The following NXPE2 variants were observed in gnomAD, a reference collection of about 807,000 sequenced individuals.
NXPE2 encodes the protein neurexophilin and PC-esterase domain family member 2.
In NXPE2, 34 loss-of-function variants were observed where a neutral mutation model predicts 34.4. That is an observed-to-expected ratio of 0.99 (90% CI 0.75 to 1.31). The LOEUF is 1.31. Among genes scored for constraint, NXPE2 ranks in the 40% most tolerant of loss-of-function variants. The pLI, the probability that NXPE2 is intolerant of heterozygous loss-of-function variation, is 0.00. For synonymous variants in NXPE2, 235 were observed against 231.3 expected, an observed-to-expected ratio of 1.02 and a Z score of -0.15; for missense variants, 649 against 672.5, an observed-to-expected ratio of 0.97 and a Z score of 0.39.
the NXPE2 span, among the ~76,000 whole-genome samples, chr11:114,519,218 C>G: frequency 1.5e-4 from 21 of 137,768 alleles, no homozygotes; most frequent in Non-Finnish European, 3.1e-4. Context: ...ACAGAAAATG[C>G]TTTCCCCCCG....
Position 114,705,763 on chromosome 11 carries a change from G to A in NXPE2, c.929-18G>A. On this transcript the variant is annotated intron_variant, in intron 4 of 5. Coordinates refer to ENST00000389586, the MANE Select transcript of NXPE2 (RefSeq NM_182495.6). ...TGTGGTAATAAAAATTACTTAATCT[G>A]GAAATTTGTATTGCCAGAGAGCGAG... 4 of 1,368,620 alleles carry A rather than the reference G, an allele frequency of 2.9e-6. No individual in the cohort carries two copies. The highest frequency in any genetic ancestry group is 3.8e-6 in the Non-Finnish European group (4 of 1,042,470). The allele number at this position is 1,368,620 out of a possible 1,614,324, so 84.8% of individuals were successfully genotyped here.
the NXPE2 span, among the ~76,000 whole-genome samples, chr11:114,625,958 C>G: frequency 6.6e-6 from 1 of 152,148 alleles, no homozygotes; most frequent in East Asian, 1.9e-4. Context: ...GAATACTGCA[C>G]TTTTCCGATG....
chr11:114,534,825 G>A, the NXPE2 span, among the ~76,000 whole-genome samples: 1 of 152,170 alleles, frequency 6.6e-6, no homozygotes, highest in African/African-American at 2.4e-5. Flanking sequence ...TGAAAGTGAC[G>A]GGGAGAATGG....
At chr11:114,809,447 A>T in the NXPE2 span, among the ~76,000 whole-genome samples, 1 of 146,826 alleles carries the variant, frequency 6.8e-6, no homozygotes, top group Non-Finnish European at 1.5e-5. Context: ...AGAAAACCCC[A>T]TTGTCTCAGC....
chr11:114,514,466 T>C, the NXPE2 span, among the ~76,000 whole-genome samples: 2 of 152,206 alleles, frequency 1.3e-5, no homozygotes, highest in South Asian at 4.1e-4. Flanking sequence ...CATGTCTCAC[T>C]GCAGCCTCCA....
the NXPE2 span, among the ~76,000 whole-genome samples, chr11:114,647,857 G>A: frequency 6.6e-6 from 1 of 151,820 alleles, no homozygotes; most frequent in Admixed American, 6.6e-5. Context: ...GCCTGCCACT[G>A]TGCATGGCTA....
chr11:114,767,580 G>T, the NXPE2 span, among the ~76,000 whole-genome samples: 1 of 152,082 alleles, frequency 6.6e-6, no homozygotes, highest in East Asian at 1.9e-4. Flanking sequence ...GTGGAGACCA[G>T]ATTTTATTTT....
chr11:114,810,441 A>C, the NXPE2 span, among the ~76,000 whole-genome samples: 19 of 130,296 alleles, frequency 1.5e-4, no homozygotes, highest in African/African-American at 5.0e-4. Context: ...CAACCTACTC[A>C]TCTGACAAAG....
the NXPE2 span, among the ~76,000 whole-genome samples, chr11:114,468,024 A>G: frequency 6.6e-6 from 1 of 151,980 alleles, no homozygotes; most frequent in South Asian, 2.1e-4. Context: ...ATACCCCTTC[A>G]TTTAGAGCAA....
intron 2 of NXPE2, among the ~76,000 whole-genome samples, chr11:114,684,647 T>C (rs1271205083): frequency 6.6e-6 from 1 of 151,868 alleles, no homozygotes; most frequent in East Asian, 1.9e-4. Context: ...AGAAACTTAA[T>C]TGGTAGGGGT....
At chr11:114,568,942 A>G in the NXPE2 span, among the ~76,000 whole-genome samples, 2 of 152,282 alleles carry the variant, frequency 1.3e-5, no homozygotes, top group Middle Eastern at 3.4e-3. Flanking sequence ...CTATATACCT[A>G]AAGACTAGAA....
chr11:114,493,115 A>G, the NXPE2 span, among the ~76,000 whole-genome samples: 2 of 152,166 alleles, frequency 1.3e-5, no homozygotes, highest in Admixed American at 1.3e-4. Context: ...TGATATAAGT[A>G]TAGCTACTCC....
chr11:114,653,268 T>C, the NXPE2 span, among the ~76,000 whole-genome samples: 3 of 152,186 alleles, frequency 2.0e-5, no homozygotes, highest in African/African-American at 7.2e-5. Flanking sequence ...ATTATAAAAA[T>C]GTTCTATAAG....
chr11:114,537,493 C>T, the NXPE2 span, among the ~76,000 whole-genome samples: 10 of 152,172 alleles, frequency 6.6e-5, no homozygotes, highest in Non-Finnish European at 1.3e-4. Flanking sequence ...GTCAGATTGT[C>T]CCTGTTTGCA....
the NXPE2 span, chr11:114,571,450 C>T: frequency 6.2e-7 from 1 of 1,608,758 alleles, no homozygotes; most frequent in Non-Finnish European, 8.5e-7. Context: ...TTTCCAGATT[C>T]ATGCAGATCC....
the NXPE2 span, among the ~76,000 whole-genome samples, chr11:114,623,772 C>T: frequency 9.8e-3 from 1,490 of 152,106 alleles, 14 homozygotes; most frequent in Non-Finnish European, 0.015. Context: ...CATGTTGCCT[C>T]GTGGGTTACC....
the NXPE2 span, among the ~76,000 whole-genome samples, chr11:114,589,582 T>C: frequency 6.6e-6 from 1 of 152,178 alleles, no homozygotes; most frequent in Admixed American, 6.5e-5. Flanking sequence ...TGGGCCAGCA[T>C]ACTTATAGCC....
At chr11:114,539,050 A>G in the NXPE2 span, among the ~76,000 whole-genome samples, 1 of 152,206 alleles carries the variant, frequency 6.6e-6, no homozygotes. Context: ...TCCAACAATG[A>G]TAGACTGGAT....
chr11:114,593,984 T>A, the NXPE2 span, among the ~76,000 whole-genome samples: 1 of 152,012 alleles, frequency 6.6e-6, no homozygotes, highest in South Asian at 2.1e-4. Context: ...ATAATTGAAG[T>A]CATGGAGTTA....
Sources: gnomAD v4.1 joint callset for allele counts (sites outside exome capture counted in the v4.1 genomes callset) on GRCh38, gnomAD v4.1.1 for gene constraint, MANE v1.5 for transcripts, NCBI Gene and HGNC (gene_info 2026-07-23, HGNC 2026-07-21) for gene names.